KATNIP: variants seen among roughly 807,000 people sequenced by gnomAD.
The protein encoded by KATNIP is katanin-interacting protein.
Under a neutral mutation model 174.0 loss-of-function variants are expected in KATNIP, and 126 were observed. The ratio of observed to expected loss-of-function variants is 0.72; its 90% CI spans 0.63 to 0.84. The LOEUF is 0.84. Ranked by LOEUF, KATNIP falls within the 40% of genes least tolerant of loss-of-function variation. The pLI is 0.00. For synonymous variants in KATNIP, 810 were observed against 835.7 expected (o/e 0.97, Z 0.53); for missense variants, 1,958 against 2,109.7 (o/e 0.93, Z 1.41).
chr16:27,708,931 G>A lies in KATNIP; in HGVS notation c.1605+11G>A. ...AACAGGAACTTAGCTGTGAGTGGAA[G>A]GGGCACTGGATTGCTTCTTGGCTGT... On this transcript the variant is annotated intron_variant, in intron 13 of 27. Transcript: ENST00000261588. 1 of 1,601,770 alleles carries A rather than the reference G, an allele frequency of 6.2e-7. No individual in the cohort carries two copies. The highest frequency in any genetic ancestry group is 8.5e-7 in the Non-Finnish European group (1 of 1,170,916).
At chr16:27,713,759 G>A (rs1487779206) in intron 13 of KATNIP, among the ~76,000 whole-genome samples, 77 of 138,766 alleles carry the variant, frequency 5.5e-4, no homozygotes, top group Non-Finnish European at 1.0e-3. Context: ...ATATATGTGT[G>A]TGTATATGTA....
chr16:27,630,633 A>T (rs2076457907), intron 4 of KATNIP, among the ~76,000 whole-genome samples: 1 of 152,220 alleles, frequency 6.6e-6, no homozygotes, highest in African/African-American at 2.4e-5. Context: ...GGAGGAACAG[A>T]TAACAGGATT....
In KATNIP at chr16:27,777,916, A is replaced by G; in HGVS notation, c.4748A>G (p.Asn1583Ser). 1 of 1,614,236 alleles carries G rather than the reference A, an allele frequency of 6.2e-7. No individual in the cohort carries two copies. The change falls in exon 27 of 28, where the codon AAT becomes AGT. Residue 1583 changes from asparagine to serine, a missense_variant. By Grantham distance (46) the Asn-to-Ser change is conservative. Transcript: ENST00000261588. The surrounding 1 kb of genome is among the most constrained non-coding windows in gnomAD (Gnocchi z 4.4). The stretch of plus-strand genomic sequence containing the variant: ...GAGGATCAAGATGTCCAGATGATGA[A>G]TGAAAACCAAATCATTACCAACGCG... The part of the protein sequence containing the change: ...QAEDQDVQMM[N>S]ENQIITNAKR...
At chr16:27,598,513 C>T (rs542225616) in intron 2 of KATNIP, among the ~76,000 whole-genome samples, 10 of 152,304 alleles carry the variant, frequency 6.6e-5, no homozygotes, top group South Asian at 4.1e-4. Context: ...CATGCTGCCA[C>T]GGTGACCATA....
chr16:27,753,741 C>T (rs963456020), intron 17 of KATNIP, among the ~76,000 whole-genome samples: 1 of 147,246 alleles, frequency 6.8e-6, no homozygotes, highest in Non-Finnish European at 1.5e-5. Flanking sequence ...TTCCCTCCCT[C>T]CCTCCCTCCT....
chr16:27,770,016 G>A lies in KATNIP; in HGVS notation c.4131G>A (p.Arg1377=), dbSNP rs1012031964. The A allele has an allele frequency of 6.2e-7, 1 of 1,612,704 alleles. No individual in the cohort carries two copies. The highest frequency in any genetic ancestry group is 8.5e-7 in the Non-Finnish European group (1 of 1,178,834). ...CTCAGCTGCTGCCCCAGCCGGCCAG[G>A]AGGTGAGGAGAAAGTGGGCGCCACA... The part of the protein sequence containing the change: ...LRAQLLPQPA[R]RLDMRSLECA... The change falls in exon 21 of 28, where the codon AGG becomes AGA. Residue 1377 remains arginine, a splice_region_variant and synonymous_variant. Transcript: ENST00000261588.
Position 27,778,927 on chromosome 16 carries a change from G to GGGCC in KATNIP, c.*299_*302dup. The GGGCC allele has an allele frequency of 2.8e-6, 1 of 355,518 alleles. No individual in the cohort carries two copies. The highest frequency in any genetic ancestry group is 5.1e-6 in the Non-Finnish European group (1 of 197,832). 22.0% of individuals were successfully genotyped at this position (355,518 alleles called of 1,614,324 possible). ...AGCAAAGCAGGGCCCATGACCACTA[G>GGGCC]GGCCTGGGCTGACCCTGACTCAGAA... is the stretch of plus-strand genomic sequence containing the variant. On this transcript the variant is annotated 3_prime_UTR_variant, in exon 28 of 28. Coordinates refer to ENST00000261588, the MANE Select transcript of KATNIP (RefSeq NM_015202.5).
intron 2 of KATNIP, among the ~76,000 whole-genome samples, chr16:27,592,270 CTTTTTTTTTTTT>C (rs71137799): frequency 6.5e-4 from 29 of 44,822 alleles, no homozygotes; most frequent in African/African-American, 1.8e-3. Flanking sequence ...GCATATATTA[CTTTTTTTTTTTT>C]TTTTTTTTTT....
chr16:27,758,072 T>C (rs1311958849), intron 18 of KATNIP, among the ~76,000 whole-genome samples: 1 of 151,586 alleles, frequency 6.6e-6, no homozygotes, highest in Admixed American at 6.6e-5. Flanking sequence ...AAAAGGAGAG[T>C]AATCAATTTC....
intron 8 of KATNIP, among the ~76,000 whole-genome samples, chr16:27,692,360 A>G (rs1408844061): frequency 1.3e-5 from 2 of 152,232 alleles, no homozygotes; most frequent in African/African-American, 2.4e-5. Context: ...ACTTAGATTT[A>G]CAAGGTTTGG....
At chr16:27,687,666 G>A (rs1382887634) in intron 8 of KATNIP, 1 of 152,174 alleles carries the variant, frequency 6.6e-6, no homozygotes, top group African/African-American at 2.4e-5. Context: ...TCTTCTTGAG[G>A]GTGAAAGAAC....
At chr16:27,731,120 A>AC (rs572878350) in intron 14 of KATNIP, among the ~76,000 whole-genome samples, 17 of 151,758 alleles carry the variant, frequency 1.1e-4, no homozygotes, top group Admixed American at 9.9e-4. Context: ...ACAGGCCAGG[A>AC]CCCCCCCGTC....
chr16:27,596,903 A>G (rs2075354466), intron 2 of KATNIP, among the ~76,000 whole-genome samples: 1 of 152,182 alleles, frequency 6.6e-6, no homozygotes, highest in Admixed American at 6.5e-5. Flanking sequence ...TGTGCCTATA[A>G]TCCCAGCTAC....
intron 8 of KATNIP, 86 bp downstream of exon 8, chr16:27,681,616 A>G: frequency 1.3e-6 from 2 of 1,491,102 alleles, no homozygotes; most frequent in East Asian, 2.3e-5. Flanking sequence ...GCCGCACTTC[A>G]TTACCCTCCT....
rs77834897 is a variant in KATNIP, at chr16:27,714,609, C to G, written c.1605+5689C>G. On this transcript the variant is annotated intron_variant, in intron 13 of 27. Coordinates refer to ENST00000261588, the MANE Select transcript of KATNIP (RefSeq NM_015202.5). ...AAGATGGGGGAGAAGATTAAAATTA[C>G]TAAAATCAAGAATGATAGAGAGAAC... Among the ~76,000 whole-genome samples, 370 of 152,042 alleles carry G rather than the reference C, an allele frequency of 2.4e-3. 13 individuals carry two copies. The East Asian group carries it at 0.052, about 21-fold the overall frequency.
rs891677708 is a variant in KATNIP at position 27,550,295 on chromosome 16, G to T, written c.7+118G>T. On this transcript the variant is annotated intron_variant, in intron 1 of 27. Transcript: ENST00000261588. ...TGGACCACCACTTCCTGACCCAAGGGGGTCTCCGAAATGAGGGATAGGGAG... is the reference window on the plus strand; with the variant it reads ...TGGACCACCACTTCCTGACCCAAGGTGGTCTCCGAAATGAGGGATAGGGAG... 4.2e-6 allele frequency: 5 copies of T among 1,201,724 alleles called. No individual in the cohort carries two copies. The Admixed American group carries it at 7.5e-5, about 18-fold the overall frequency. The allele number at this position is 1,201,724 out of a possible 1,614,324, so 74.4% of individuals were successfully genotyped here. A position where few individuals can be genotyped will look rare whatever the true frequency, so the allele number is the denominator to read the frequency against.
At chr16:27,577,841 C>G (rs916046991) in intron 2 of KATNIP, among the ~76,000 whole-genome samples, 3 of 151,998 alleles carry the variant, frequency 2.0e-5, no homozygotes, top group Non-Finnish European at 4.4e-5. Context: ...CCACTGCATT[C>G]CAACCTGGAC....
chr16:27,583,259 T>C (rs1160603524), intron 2 of KATNIP, among the ~76,000 whole-genome samples: 4 of 152,262 alleles, frequency 2.6e-5, no homozygotes, highest in South Asian at 2.1e-4. Context: ...ACAGAGATAA[T>C]GTTGACAGCT....
At chr16:27,719,303 C>T (rs372463358) in intron 13 of KATNIP, among the ~76,000 whole-genome samples, 23 of 152,290 alleles carry the variant, frequency 1.5e-4, no homozygotes, top group African/African-American at 3.6e-4. Flanking sequence ...CATCAGGGCT[C>T]CTGAGCTGCC....
Sources: allele counts gnomAD v4.1 joint callset (sites outside exome capture counted in the v4.1 genomes callset), GRCh38; gene constraint gnomAD v4.1.1; non-coding constraint Gnocchi (gnomAD v3.1); transcripts MANE v1.5; gene names NCBI Gene and HGNC (gene_info 2026-07-23, HGNC 2026-07-21).